Variants in LDLRAD4 observed in about 807,000 individuals in gnomAD.
LDLRAD4 encodes the protein low-density lipoprotein receptor class A domain-containing protein 4.
LDLRAD4 carries 5 observed loss-of-function variants against 17.0 expected under a neutral mutation model. That is an observed-to-expected ratio of 0.29 (90% CI 0.15 to 0.62). The LOEUF (loss-of-function observed/expected upper bound fraction) is 0.62, where lower values mean the gene tolerates loss of function less well. Among genes scored for constraint, LDLRAD4 ranks in the 20% least tolerant of loss-of-function variants. LDLRAD4 has a pLI of 0.84. For missense variants in LDLRAD4, 340 were observed against 424.7 expected, an observed-to-expected ratio of 0.80 and a Z score of 1.75; for synonymous variants, 168 against 171.8, an observed-to-expected ratio of 0.98 and a Z score of 0.17.
intron 1 of LDLRAD4, among the ~76,000 whole-genome samples, chr18:13,340,414 A>C (rs1419825954): frequency 6.6e-6 from 1 of 152,082 alleles, no homozygotes. Context: ...GTTTTTCCAC[A>C]TTCTTGCTAA....
chr18:13,224,474 CTTTTTTTTTTTT>C (rs10676168), intron 1 of LDLRAD4, among the ~76,000 whole-genome samples: 3 of 87,880 alleles, frequency 3.4e-5, no homozygotes, highest in Admixed American at 1.6e-4. Flanking sequence ...TTCTTTCTTT[CTTTTTTTTTTTT>C]TTTTTTTTTT....
intron 3 of LDLRAD4, among the ~76,000 whole-genome samples, chr18:13,458,304 A>G (rs1450439658): frequency 1.3e-5 from 2 of 152,166 alleles, no homozygotes; most frequent in African/African-American, 4.8e-5. Flanking sequence ...GCTGCTTTAG[A>G]AGCACTATGT....
chr18:13,252,044 G>T (rs2043247226), intron 1 of LDLRAD4, among the ~76,000 whole-genome samples: 2 of 152,210 alleles, frequency 1.3e-5, no homozygotes, highest in Non-Finnish European at 2.9e-5. Flanking sequence ...GGGGACTTGG[G>T]TCCTCCCAGG....
chr18:13,408,098 G>A (rs921587779), intron 2 of LDLRAD4, among the ~76,000 whole-genome samples: 2 of 152,092 alleles, frequency 1.3e-5, no homozygotes, highest in African/African-American at 4.8e-5. Context: ...TGAAGTCCAG[G>A]CACAATGGCT....
chr18:13,527,983 C>T (rs2094060883), intron 3 of LDLRAD4, among the ~76,000 whole-genome samples: 1 of 152,220 alleles, frequency 6.6e-6, no homozygotes, highest in African/African-American at 2.4e-5. Flanking sequence ...CTGTCGGCTC[C>T]TGCCCTCCAT....
At chr18:13,321,042 T>TA (rs1555647444) in intron 1 of LDLRAD4, among the ~76,000 whole-genome samples, 5 of 152,100 alleles carry the variant, frequency 3.3e-5, no homozygotes, top group Non-Finnish European at 4.4e-5. Flanking sequence ...TAGTTGGAGA[T>TA]ACTTGGTTTT....
chr18:13,560,363 G>A (rs1270943577), intron 3 of LDLRAD4, among the ~76,000 whole-genome samples: 1 of 152,214 alleles, frequency 6.6e-6, no homozygotes, highest in Admixed American at 6.5e-5. Flanking sequence ...GTAGGTAATG[G>A]CCCAATCTCA....
chr18:13,566,523 C>A (rs201300880), intron 3 of LDLRAD4, among the ~76,000 whole-genome samples: 2 of 152,018 alleles, frequency 1.3e-5, no homozygotes, highest in Non-Finnish European at 2.9e-5. Flanking sequence ...CCACCACGCC[C>A]GGCTGATCTT....
intron 1 of LDLRAD4, among the ~76,000 whole-genome samples, chr18:13,253,005 G>A (rs895670073): frequency 1.3e-5 from 2 of 152,236 alleles, no homozygotes; most frequent in African/African-American, 4.8e-5. Flanking sequence ...ATGGAAACCG[G>A]GGCACTGGGG....
intron 4 of LDLRAD4, among the ~76,000 whole-genome samples, chr18:13,639,926 G>C (rs1177936506): frequency 6.6e-6 from 1 of 152,136 alleles, no homozygotes; most frequent in Non-Finnish European, 1.5e-5. Flanking sequence ...CACAACTCTG[G>C]CCACATTATG....
intron 1 of LDLRAD4, among the ~76,000 whole-genome samples, chr18:13,284,573 G>C (rs1203207369): frequency 6.6e-6 from 1 of 152,120 alleles, no homozygotes; most frequent in African/African-American, 2.4e-5. Flanking sequence ...TCAGATTCTG[G>C]GTTGCTTGGT....
chr18:13,430,795 G>A (rs1391532030), intron 2 of LDLRAD4, among the ~76,000 whole-genome samples: 4 of 152,144 alleles, frequency 2.6e-5, no homozygotes, highest in Non-Finnish European at 5.9e-5. Context: ...TTGTCCAGAG[G>A]CCTGCAGGCT....
intron 1 of LDLRAD4, among the ~76,000 whole-genome samples, chr18:13,377,562 G>A (rs756131112): frequency 1.3e-5 from 2 of 152,148 alleles, no homozygotes; most frequent in African/African-American, 2.4e-5. Context: ...TGGTTGAACC[G>A]AAGTTTAAGT....
intron 3 of LDLRAD4, chr18:13,471,533 C>T (rs936645141): frequency 2.0e-5 from 3 of 152,302 alleles, no homozygotes; most frequent in African/African-American, 7.2e-5. Flanking sequence ...CTGGGGTGTT[C>T]TGAGAATTTG....
At chr18:13,281,890 T>C (rs1384188501) in intron 1 of LDLRAD4, among the ~76,000 whole-genome samples, 1 of 152,202 alleles carries the variant, frequency 6.6e-6, no homozygotes, top group Non-Finnish European at 1.5e-5. Context: ...TCCGGATTCA[T>C]GCTGCTGATA....
chr18:13,498,113 C>G lies in LDLRAD4; in HGVS notation c.181+59729C>G, dbSNP rs565624606. Among the ~76,000 whole-genome samples the G allele has an allele frequency of 6.8e-4, 100 of 146,308 alleles. 4 individuals carry two copies. The highest frequency in any genetic ancestry group is 1.1e-3 in the Non-Finnish European group (71 of 65,694). On this transcript the variant is annotated intron_variant, in intron 3 of 5. Transcript: ENST00000359446. ...GTGGACACTGGAGAATCCTTCTGCC[C>G]ACACAAGTCCTGCCATGGACACTGG...
chr18:13,219,253 T>C (rs2041314227), intron 1 of LDLRAD4, among the ~76,000 whole-genome samples: 1 of 152,104 alleles, frequency 6.6e-6, no homozygotes, highest in Non-Finnish European at 1.5e-5. Flanking sequence ...AGAAGCTCTT[T>C]AAAGCAAGCA....
At chr18:13,271,943 T>C (rs1036188266) in intron 1 of LDLRAD4, among the ~76,000 whole-genome samples, 8 of 138,986 alleles carry the variant, frequency 5.8e-5, no homozygotes, top group Non-Finnish European at 9.1e-5. Flanking sequence ...TTTGCCAGGC[T>C]GGAGTGCAGT....
At chr18:13,612,272 C>T (rs1052972200) in intron 3 of LDLRAD4, 42 of 1,002,706 alleles carry the variant, frequency 4.2e-5, no homozygotes, top group Non-Finnish European at 4.8e-5. Context: ...AGGTGTGAGG[C>T]CAAACCTGAG....
Sources: gnomAD v4.1 joint callset for allele counts (sites outside exome capture counted in the v4.1 genomes callset) on GRCh38, gnomAD v4.1.1 for gene constraint, MANE v1.5 for transcripts, NCBI Gene and HGNC (gene_info 2026-07-23, HGNC 2026-07-21) for gene names.